The following PHOX2B variants were observed in gnomAD, a reference collection of about 807,000 sequenced individuals.
PHOX2B encodes the protein paired like homeobox 2B.
Under a neutral mutation model 15.5 loss-of-function variants are expected in PHOX2B, and 1 was observed. The ratio of observed to expected loss-of-function variants is 0.06; its 90% CI spans 0.02 to 0.31. The LOEUF is 0.31. Ranked by LOEUF, PHOX2B falls within the 10% of genes least tolerant of loss-of-function variation. The probability of loss-of-function intolerance (pLI) is 1.00; values close to 1 mark genes in which losing one functional copy is unlikely to be tolerated. For synonymous variants in PHOX2B, 206 were observed against 190.5 expected, an observed-to-expected ratio of 1.08 and a Z score of -0.67; for missense variants, 314 against 436.4, an observed-to-expected ratio of 0.72 and a Z score of 2.50.
chr4:41,748,456 C>T lies in PHOX2B; in HGVS notation c.155G>A (p.Gly52Glu). The change falls in exon 1 of 3, where the codon GGG becomes GAG. Residue 52 changes from glycine (G) to glutamate (E), a missense_variant. By Grantham distance (98) the Gly-to-Glu change is moderately conservative. Transcript: ENST00000226382. ...FQYNPIRTTF[G>E]ATSGCPSLTP... is the part of the protein sequence containing the mutation. ...GAGGGAAGGGCAGCCGGACGTGGCC[C>T]CAAAAGTGGTCCTTATCGGGTTATA... 1.2e-6 allele frequency: 2 copies of T among 1,614,136 alleles called. No homozygotes were observed. Among genetic ancestry groups the T allele is most frequent in the Non-Finnish European group, 1.7e-6 (2 of 1,180,022 alleles).
At chr4:41,747,231 G>T in intron 2 of PHOX2B, 118 bp downstream of exon 2, 1 of 796,682 alleles carries the variant, frequency 1.3e-6, no homozygotes, top group Non-Finnish European at 2.1e-6. Context: ...GATCGGCCAT[G>T]GGGCCCTAGG....
In PHOX2B at chr4:41,747,917, T is replaced by C. The variant is rs554300337; in HGVS notation, c.242-381A>G. Among the ~76,000 whole-genome samples, 3 of 152,144 alleles carry C rather than the reference T, an allele frequency of 2.0e-5. No homozygotes were observed. The East Asian group carries it at 5.8e-4, about 29-fold the overall frequency. ...CAGTCCCACTTTGGGAACTTTTCAA[T>C]TCTCAGAAAGTTGACCCGGCTCAAA... On this transcript the variant is annotated intron_variant, in intron 1 of 2. Transcript: ENST00000226382.
At chr4:41,746,681 G>A (rs1397401222) in intron 2 of PHOX2B, among the ~76,000 whole-genome samples, 2 of 151,846 alleles carry the variant, frequency 1.3e-5, no homozygotes, top group Non-Finnish European at 2.9e-5. Context: ...CTAAGCCTAA[G>A]TTCTAAAGTT....
rs1733984886 is a variant in PHOX2B, at chr4:41,748,503, G to A, written c.108C>T (p.Cys36=). 6.2e-7 allele frequency: 1 copy of A among 1,614,060 alleles called. No individual in the cohort carries two copies. The stretch of plus-strand genomic sequence containing the variant: ...TATACTGGAAGCCACTGGCCTGGCT[G>A]CAGGAACTGAAGTCAGCATAGGCTG... ...LASAYADFSS[C]SQASGFQYNP... The change falls in exon 1 of 3, where the codon TGC becomes TGT. Residue 36 remains cysteine, a synonymous_variant. Transcript: ENST00000226382.
At position 41,744,428 on chromosome 4, in the gene PHOX2B, AGAG is replaced by A; in HGVS notation, c.*1376_*1378del. 4.3e-6 allele frequency: 1 copy of A among 231,974 alleles called. No homozygotes were observed. Among genetic ancestry groups the A allele is most frequent in the Non-Finnish European group, 8.5e-6 (1 of 117,108 alleles). The allele number at this position is 231,974 out of a possible 1,614,324, so 14.4% of individuals were successfully genotyped here. On this transcript the variant is annotated 3_prime_UTR_variant, in exon 3 of 3. Coordinates refer to ENST00000226382, the MANE Select transcript of PHOX2B (RefSeq NM_003924.4). ...AGAGAAAAACATTATACGGTCACGT[AGAG>A]GAGACAGTCTGCACTGATATTAACA...
rs1295543128 is a variant in PHOX2B, at chr4:41,744,598, G to A, written c.*1209C>T. ...CAAAACAGAGATGTCTAAACTGCGCGAAGAATGGAACCCTCAATATACAGT... is the reference window on the plus strand; with the variant it reads ...CAAAACAGAGATGTCTAAACTGCGCAAAGAATGGAACCCTCAATATACAGT... On this transcript the variant is annotated 3_prime_UTR_variant, in exon 3 of 3. Transcript: ENST00000226382. 5 of 233,412 alleles carry A rather than the reference G, an allele frequency of 2.1e-5. No homozygotes were observed. In the Admixed American group the frequency reaches 2.2e-4, roughly 11 times the overall value. 14.5% of individuals were successfully genotyped at this position (233,412 alleles called of 1,614,324 possible).
At chr4:41,746,802 G>C (rs1436432036) in intron 2 of PHOX2B, among the ~76,000 whole-genome samples, 1 of 152,172 alleles carries the variant, frequency 6.6e-6, no homozygotes, top group African/African-American at 2.4e-5. Flanking sequence ...TTCTCGGTCG[G>C]GGGCTCACCC....
rs200756467 is a variant in PHOX2B at position 41,747,318 on chromosome 4, C to T, written c.429+31G>A. Reference sequence around the variant, plus strand: ...CCCACACCTCCCCGGACCAGTGCGGCGGAGCGGGGTCGGTTTCCAGGCGCG... The same window carrying T: ...CCCACACCTCCCCGGACCAGTGCGGTGGAGCGGGGTCGGTTTCCAGGCGCG... On this transcript the variant is annotated intron_variant, in intron 2 of 2. Transcript: ENST00000226382. 1.7e-4 allele frequency: 274 copies of T among 1,577,422 alleles called. No homozygotes were observed. The East Asian group carries it at 5.9e-3, about 34-fold the overall frequency.
rs560413438 is a variant in PHOX2B, at chr4:41,744,651, G to A, written c.*1156C>T. On this transcript the variant is annotated 3_prime_UTR_variant, in exon 3 of 3. Transcript: ENST00000226382. The stretch of plus-strand genomic sequence containing the variant: ...ATCCACCATACAGGATGTGAGTCCA[G>A]TTCGGATCATTCCAACAGAAATGCA... The A allele has an allele frequency of 8.6e-6, 2 of 233,514 alleles. No homozygotes were observed. The highest frequency in any genetic ancestry group is 2.2e-5 in the African/African-American group (1 of 45,354). The allele number at this position is 233,514 out of a possible 1,614,324, so 14.5% of individuals were successfully genotyped here.
intron 2 of PHOX2B, 71 bp downstream of exon 2, chr4:41,747,278 C>G (rs1402921266): frequency 2.3e-6 from 3 of 1,320,602 alleles, no homozygotes; most frequent in Non-Finnish European, 3.2e-6. Flanking sequence ...TCGAATTTCA[C>G]CAGCCGCCCC....
rs1214203989 is a variant in PHOX2B at position 41,745,928 on chromosome 4, G to C, written c.824C>G (p.Pro275Arg). 6.3e-7 allele frequency: 1 copy of C among 1,598,074 alleles called. No homozygotes were observed. The highest frequency in any genetic ancestry group is 8.5e-7 in the Non-Finnish European group (1 of 1,173,444). ...GATGGAGGTGATGGGGCCGGGGCCG[G>C]GAGCCCAGCCTTGTCCAGGGCCCCC... ...AAGGPGQGWAPGPGPITSIPD... is the reference protein window; with the variant it reads ...AAGGPGQGWARGPGPITSIPD... The change falls in exon 3 of 3, where the codon CCC becomes CGC. Residue 275 changes from proline to arginine, a missense_variant. Coordinates refer to ENST00000226382, the MANE Select transcript of PHOX2B (RefSeq NM_003924.4). This position sits in a 1 kb window ranked among gnomAD's most constrained non-coding sequence, Gnocchi z 4.0.
chr4:41,747,936 G>C (rs1018330794), intron 1 of PHOX2B, among the ~76,000 whole-genome samples: 9 of 150,970 alleles, frequency 6.0e-5, no homozygotes, highest in Admixed American at 2.0e-4. Context: ...AGTTGACCCG[G>C]CTCAAAAGTT....
rs750728938 is a variant in PHOX2B, at chr4:41,745,825, C to T, written c.927G>A (p.Val309=). Residue 309 remains valine, a synonymous_variant, in exon 3 of 3, where the codon GTG becomes GTA. Coordinates refer to ENST00000226382, the MANE Select transcript of PHOX2B (RefSeq NM_003924.4). This position sits in a 1 kb window ranked among gnomAD's most constrained non-coding sequence, Gnocchi z 4.0. ...TTCCAGATCAGAACATACTGCTCTT[C>T]ACTAAGGCGGCTTTGGCACCGTTGG... ...QRPNGAKAAL[V]KSSMF 1.2e-6 allele frequency: 2 copies of T among 1,609,278 alleles called. No individual in the cohort carries two copies. The highest frequency in any genetic ancestry group is 2.7e-5 in the African/African-American group (2 of 74,296).
At chr4:41,747,127 G>T (rs952339303) in intron 2 of PHOX2B, among the ~76,000 whole-genome samples, 7 of 152,162 alleles carry the variant, frequency 4.6e-5, no homozygotes, top group Non-Finnish European at 1.0e-4. Context: ...GTCTCTGCTC[G>T]GGTGGGAAAC....
chr4:41,746,067 G>C lies in PHOX2B; in HGVS notation c.685C>G (p.Pro229Ala). Residue 229 changes from proline (P) to alanine (A), a missense_variant, in exon 3 of 3, where the codon CCC (proline) becomes GCC (alanine). Transcript: ENST00000226382. ...CCGGGTTCGCCTCCCGGGCCCCCGG[G>C]CCCCGCCGCCCCCGGAGCTCCAGCC... ...SPAGAPGAAG[P>A]GGPGGEPGKG... The C allele has an allele frequency of 7.1e-7, 1 of 1,402,062 alleles. No individual in the cohort carries two copies. The highest frequency in any genetic ancestry group is 1.6e-5 in the South Asian group (1 of 61,304). 86.9% of individuals were successfully genotyped at this position (1,402,062 alleles called of 1,614,324 possible).
rs1733830798 is a variant in PHOX2B at position 41,744,823 on chromosome 4, C to T, written c.*984G>A. ...AGCTGGTGGAAGAAGAAAATGCCGACGGGGTAGGCGGGAGCGAGGGGGAAA... is the reference window on the plus strand; with the variant it reads ...AGCTGGTGGAAGAAGAAAATGCCGATGGGGTAGGCGGGAGCGAGGGGGAAA... On this transcript the variant is annotated 3_prime_UTR_variant, in exon 3 of 3. Coordinates refer to ENST00000226382, the MANE Select transcript of PHOX2B (RefSeq NM_003924.4). The T allele has an allele frequency of 8.6e-6, 2 of 233,584 alleles. No individual in the cohort carries two copies. The highest frequency in any genetic ancestry group is 6.0e-5 in the East Asian group (1 of 16,578). The allele number at this position is 233,584 out of a possible 1,614,324, so 14.5% of individuals were successfully genotyped here.
In PHOX2B at chr4:41,744,517, C is replaced by T. The variant is rs1328831088; in HGVS notation, c.*1290G>A. The T allele has an allele frequency of 2.1e-5, 5 of 233,182 alleles. No individual in the cohort carries two copies. Among genetic ancestry groups the T allele is most frequent in the South Asian group, 1.8e-4 (1 of 5,524 alleles). The allele number at this position is 233,182 out of a possible 1,614,324, so 14.4% of individuals were successfully genotyped here. A position where few individuals can be genotyped will look rare whatever the true frequency, so the allele number is the denominator to read the frequency against. On this transcript the variant is annotated 3_prime_UTR_variant, in exon 3 of 3. Coordinates refer to ENST00000226382, the MANE Select transcript of PHOX2B (RefSeq NM_003924.4). ...GACACCGAAAAAGTTAAAGCCTCAA[C>T]ATTCAACTAATATCTAGAGTTTGTG... is the stretch of plus-strand genomic sequence containing the variant.
rs1327175931 is a variant in PHOX2B, at chr4:41,745,144, A to G, written c.*663T>C. ...GGAACGGCGTCCCTACTCTTCCCTG[A>G]AGAAGAGCCCCAAGAGAATCCGTGC... On this transcript the variant is annotated 3_prime_UTR_variant, in exon 3 of 3. Transcript: ENST00000226382. This position sits in a 1 kb window ranked among gnomAD's most constrained non-coding sequence, Gnocchi z 4.0. 6 of 233,016 alleles carry G rather than the reference A, an allele frequency of 2.6e-5. No homozygotes were observed. Among genetic ancestry groups the G allele is most frequent in the Middle Eastern group, 2.5e-3 (2 of 808 alleles). The allele number at this position is 233,016 out of a possible 1,614,324, so 14.4% of individuals were successfully genotyped here.
At position 41,746,120 on chromosome 4, in the gene PHOX2B, T is replaced by G. The variant is rs1733890628; in HGVS notation, c.632A>C (p.Asn211Thr). The G allele has an allele frequency of 6.3e-7, 1 of 1,592,606 alleles. No individual in the cohort carries two copies. The highest frequency in any genetic ancestry group is 8.5e-7 in the Non-Finnish European group (1 of 1,173,062). Residue 211 changes from asparagine to threonine, a missense_variant, in exon 3 of 3, where the codon AAT becomes ACT. Transcript: ENST00000226382. ...GCTGGGCCCGCCGCCGCCGCCTCCATTCGCCCCGCAGCTGGGGGTGGGGTT... is the reference window on the plus strand; with the variant it reads ...GCTGGGCCCGCCGCCGCCGCCTCCAGTCGCCCCGCAGCTGGGGGTGGGGTT... ...NPNPTPSCGANGGGGGGPSPA... is the reference protein window; with the variant it reads ...NPNPTPSCGATGGGGGGPSPA...
Sources: gnomAD v4.1 joint callset for allele counts (sites outside exome capture counted in the v4.1 genomes callset) on GRCh38, gnomAD v4.1.1 for gene constraint, Gnocchi (gnomAD v3.1) non-coding constraint, MANE v1.5 for transcripts, NCBI Gene and HGNC (gene_info 2026-07-23, HGNC 2026-07-21) for gene names.